DAB1: variants seen among roughly 807,000 people sequenced by gnomAD.
The protein encoded by DAB1 is disabled homolog 1.
In DAB1, 15 loss-of-function variants were observed where a neutral mutation model predicts 64.6. The ratio of observed to expected loss-of-function variants is 0.23; its 90% CI spans 0.16 to 0.36. The LOEUF (loss-of-function observed/expected upper bound fraction) is 0.36. DAB1 is among the 10% of genes least tolerant of loss of function. DAB1 has a pLI of 1.00. For synonymous variants in DAB1, 235 were observed against 251.9 expected (o/e 0.93, Z 0.64); for missense variants, 596 against 706.7 (o/e 0.84, Z 1.78).
chr1:58,072,692 C>A (rs1649352263), intron 5 of DAB1, among the ~76,000 whole-genome samples: 1 of 152,222 alleles, frequency 6.6e-6, no homozygotes, highest in Admixed American at 6.5e-5. Context: ...AAGATGACAA[C>A]ATTGATATGA....
intron 5 of DAB1, among the ~76,000 whole-genome samples, chr1:57,899,801 C>G (rs960955059): frequency 6.6e-6 from 1 of 152,112 alleles, no homozygotes; most frequent in Non-Finnish European, 1.5e-5. Context: ...TCGCATTGGA[C>G]TAGAGGTACG....
intron 1 of DAB1, among the ~76,000 whole-genome samples, chr1:57,392,369 CA>C (rs994604785): frequency 3.9e-5 from 6 of 152,012 alleles, no homozygotes; most frequent in Non-Finnish European, 5.9e-5. Flanking sequence ...GAGACTGTCT[CA>C]AAACAACAAC....
chr1:58,153,700 A>G (rs1655069974), intron 4 of DAB1, among the ~76,000 whole-genome samples: 1 of 151,904 alleles, frequency 6.6e-6, no homozygotes, highest in Non-Finnish European at 1.5e-5. Flanking sequence ...CATTGTCTAT[A>G]GGATGGAGTA....
intron 7 of DAB1, among the ~76,000 whole-genome samples, chr1:57,510,235 A>G (rs533076428): frequency 1.2e-4 from 19 of 152,244 alleles, no homozygotes; most frequent in South Asian, 1.0e-3. Flanking sequence ...GCCAAATCCA[A>G]TGGAGCTCTC....
intron 4 of DAB1, among the ~76,000 whole-genome samples, chr1:57,111,240 C>T (rs530194208): frequency 2.5e-4 from 38 of 152,178 alleles, no homozygotes; most frequent in African/African-American, 8.9e-4. Flanking sequence ...TCACAGGCCA[C>T]GTGTTCAAGA....
At chr1:58,365,817 C>T (rs1644211495) in intron 3 of DAB1, among the ~76,000 whole-genome samples, 1 of 152,114 alleles carries the variant, frequency 6.6e-6, no homozygotes. Flanking sequence ...AGATCAAGTA[C>T]CTCCTTAAAT....
chr1:57,964,168 T>C (rs997447774), intron 5 of DAB1, among the ~76,000 whole-genome samples: 1 of 151,940 alleles, frequency 6.6e-6, no homozygotes. Context: ...CTAGAGAGAG[T>C]TGATGCTCTC....
intron 1 of DAB1, among the ~76,000 whole-genome samples, chr1:57,409,097 C>T (rs956354285): frequency 5.3e-5 from 8 of 152,230 alleles, no homozygotes; most frequent in East Asian, 1.9e-4. Flanking sequence ...TCTATGCTTC[C>T]GGCAGCCCAA....
intron 2 of DAB1, among the ~76,000 whole-genome samples, chr1:57,273,572 TTCCTTCCTTCCTTCCTTC>T (rs1558067002): frequency 1.6e-5 from 1 of 60,816 alleles, no homozygotes; most frequent in African/African-American, 7.3e-5. Context: ...CCTTCCTTCC[TTCCTTCCTTCCTTCCTTC>T]CTTCCTTCCT....
chr1:58,148,119 G>A (rs1271096221), intron 5 of DAB1, among the ~76,000 whole-genome samples: 1 of 152,108 alleles, frequency 6.6e-6, no homozygotes, highest in Non-Finnish European at 1.5e-5. Flanking sequence ...TCGCCAACAT[G>A]GTAAGACTTC....
intron 7 of DAB1, among the ~76,000 whole-genome samples, chr1:57,522,173 A>T (rs1644535890): frequency 6.6e-6 from 1 of 152,090 alleles, no homozygotes; most frequent in Non-Finnish European, 1.5e-5. Flanking sequence ...GAGGCACTAG[A>T]TTCCAACAAA....
chr1:58,176,318 T>A (rs1166088662), intron 4 of DAB1, among the ~76,000 whole-genome samples: 1 of 152,174 alleles, frequency 6.6e-6, no homozygotes, highest in African/African-American at 2.4e-5. Flanking sequence ...AGATAAAGCT[T>A]CCCTGGGATC....
intron 2 of DAB1, among the ~76,000 whole-genome samples, chr1:58,518,266 G>A (rs1200358291): frequency 7.3e-5 from 1 of 13,670 alleles, no homozygotes; most frequent in African/African-American, 3.9e-4. Context: ...GAGGGGAGAG[G>A]AGAGAGGAGA....
At chr1:57,823,295 A>G (rs915855354), downstream of DAB1, among the ~76,000 whole-genome samples, 2 of 152,078 alleles carry the variant, frequency 1.3e-5, no homozygotes, top group African/African-American at 4.8e-5. Flanking sequence ...AAAAATTTTT[A>G]AAAAGAAAAG....
chr1:57,710,077 AT>A (rs887078491), intron 6 of DAB1, among the ~76,000 whole-genome samples: 1 of 151,836 alleles, frequency 6.6e-6, no homozygotes, highest in Non-Finnish European at 1.5e-5. Flanking sequence ...TTCCTAAATA[AT>A]TTTTTTCTAG....
intron 4 of DAB1, among the ~76,000 whole-genome samples, chr1:57,097,401 T>C (rs554795): frequency 0.16 from 23,810 of 152,232 alleles, 2,084 homozygotes; most frequent in Middle Eastern, 0.25. Flanking sequence ...CCCAAAGCCT[T>C]ATAGTTATCC....
intron 7 of DAB1, among the ~76,000 whole-genome samples, chr1:57,574,072 C>G (rs1645221810): frequency 6.6e-6 from 1 of 152,086 alleles, no homozygotes; most frequent in Non-Finnish European, 1.5e-5. Flanking sequence ...ACCAGATATG[C>G]CAGAAGTCCA....
chr1:57,116,780 T>C (rs1656176214), intron 4 of DAB1, among the ~76,000 whole-genome samples: 1 of 152,198 alleles, frequency 6.6e-6, no homozygotes, highest in Non-Finnish European at 1.5e-5. Context: ...CTAGGATACC[T>C]GCCATCCTTG....
At chr1:58,095,960 G>A (rs1408735570) in intron 5 of DAB1, among the ~76,000 whole-genome samples, 1 of 152,194 alleles carries the variant, frequency 6.6e-6, no homozygotes, top group African/African-American at 2.4e-5. Flanking sequence ...GGCAAAGTGA[G>A]AAAGTTAGAA....
Sources: gnomAD v4.1 joint callset for allele counts (sites outside exome capture counted in the v4.1 genomes callset) on GRCh38, gnomAD v4.1.1 for gene constraint, MANE v1.5 for transcripts, NCBI Gene and HGNC (gene_info 2026-07-23, HGNC 2026-07-21) for gene names.